Variants in NAA40 observed in about 807,000 individuals in gnomAD.
The protein encoded by NAA40 is N-alpha-acetyltransferase 40.
In NAA40, 26 loss-of-function variants were observed where a neutral mutation model predicts 36.6. The observed-to-expected ratio is 0.71, with a 90% CI of 0.52 to 0.98. The LOEUF (loss-of-function observed/expected upper bound fraction) is 0.98. Ranked by LOEUF, NAA40 falls within the 50% of genes least tolerant of loss-of-function variation. The probability of loss-of-function intolerance (pLI) is 0.00; values close to 1 mark genes in which losing one functional copy is unlikely to be tolerated. For synonymous variants in NAA40, 129 were observed against 108.4 expected (o/e 1.19, Z -1.18); for missense variants, 237 against 306.5 (o/e 0.77, Z 1.69).
intron 3 of NAA40, among the ~76,000 whole-genome samples, chr11:63,949,343 C>T (rs924569013): frequency 6.6e-6 from 1 of 151,942 alleles, no homozygotes; most frequent in African/African-American, 2.4e-5. Flanking sequence ...ATTTTAGATT[C>T]GCGGGGTACA....
chr11:63,939,371 T>C (rs4980510), intron 1 of NAA40: 1,213,519 of 1,218,838 alleles, frequency 1, 604,283 homozygotes, highest in East Asian at 1. Flanking sequence ...GACCCGTTAC[T>C]GGCCTCCCCA....
In NAA40 at chr11:63,954,567, C is replaced by T; in HGVS notation, c.*88C>T. ...CACTGTTCACCGGGTGTCCTCAGAG[C>T]TGTGGCCTCCCCAGCCCTGCACGTG... is the stretch of plus-strand genomic sequence containing the variant. On this transcript the variant is annotated 3_prime_UTR_variant, in exon 8 of 8. Transcript: ENST00000377793. 6.9e-7 allele frequency: 1 copy of T among 1,443,946 alleles called. No homozygotes were observed. The highest frequency in any genetic ancestry group is 9.2e-7 in the Non-Finnish European group (1 of 1,085,656). The allele number at this position is 1,443,946 out of a possible 1,614,324, so 89.4% of individuals were successfully genotyped here. A position where few individuals can be genotyped will look rare whatever the true frequency, so the allele number is the denominator to read the frequency against.
intron 3 of NAA40, among the ~76,000 whole-genome samples, chr11:63,949,869 C>T (rs1399532021): frequency 1.3e-5 from 2 of 150,888 alleles, no homozygotes; most frequent in Admixed American, 6.6e-5. Flanking sequence ...CTCAGCCTCC[C>T]GAGTAGCTGG....
intron 1 of NAA40, among the ~76,000 whole-genome samples, chr11:63,945,509 C>T (rs116001589): frequency 0.011 from 1,654 of 152,136 alleles, 35 homozygotes; most frequent in African/African-American, 0.038. Flanking sequence ...TAGGAGGGAG[C>T]GGGTGAGTGA....
intron 1 of NAA40, 105 bp downstream of exon 1, chr11:63,939,207 G>GCCTCACGTGACCCCTGAC (rs1942066110): frequency 7.7e-7 from 1 of 1,304,902 alleles, no homozygotes; most frequent in African/African-American, 2.2e-5. Context: ...ACCCCCTCCA[G>GCCTCACGTGACCCCTGAC]CCTCACGTGA....
At chr11:63,942,341 G>T (rs1942121630) in intron 1 of NAA40, among the ~76,000 whole-genome samples, 3 of 152,228 alleles carry the variant, frequency 2.0e-5, no homozygotes, top group Admixed American at 2.0e-4. Flanking sequence ...ACCGGCAGAA[G>T]ATCTGAGGGA....
chr11:63,945,942 C>T lies in NAA40; in HGVS notation c.102+7C>T, dbSNP rs1220622572. ...AGTGGACGCTGCCAACAGGGTGATT[C>T]TCCCTTTCTTCCCAGTCCCTGCCTC... On this transcript the variant is annotated splice_region_variant and intron_variant, in intron 2 of 7. Transcript: ENST00000377793. The T allele has an allele frequency of 6.2e-7, 1 of 1,613,008 alleles. No individual in the cohort carries two copies. Among genetic ancestry groups the T allele is most frequent in the East Asian group, 2.2e-5 (1 of 44,884 alleles).
At chr11:63,946,463 C>T (rs1942188500) in intron 2 of NAA40, 1 of 1,027,166 alleles carries the variant, frequency 9.7e-7, no homozygotes, top group South Asian at 2.7e-5. Flanking sequence ...CCTTGGCCTC[C>T]CAAAGTGCTG....
At chr11:63,953,824 C>T in intron 6 of NAA40, 148 bp from the exon 7 acceptor site, 2 of 685,828 alleles carry the variant, frequency 2.9e-6, no homozygotes, top group Non-Finnish European at 5.1e-6. Context: ...GAAATGGGGT[C>T]CCACTATGTT....
chr11:63,939,497 G>C (rs1014871954), intron 1 of NAA40: 3 of 1,016,846 alleles, frequency 3.0e-6, no homozygotes, highest in Non-Finnish European at 3.5e-6. Flanking sequence ...TGGCTTGGAG[G>C]GAATTGAGGC....
chr11:63,952,394 C>T lies in NAA40; in HGVS notation c.252-13C>T, dbSNP rs752997256. 6.2e-7 allele frequency: 1 copy of T among 1,613,382 alleles called. No homozygotes were observed. The highest frequency in any genetic ancestry group is 2.2e-5 in the East Asian group (1 of 44,876). ...TCGCAGCTTTCCCGTCTGACTGCTC[C>T]CAAATTCCCCAGGTATGAGCAGAGC... On this transcript the variant is annotated splice_polypyrimidine_tract_variant and intron_variant, in intron 4 of 7. Coordinates refer to ENST00000377793, the MANE Select transcript of NAA40 (RefSeq NM_024771.4).
At chr11:63,952,641 GCCCCT>G in intron 5 of NAA40, 76 bp downstream of exon 5, 1 of 1,602,806 alleles carries the variant, frequency 6.2e-7, no homozygotes, top group South Asian at 1.1e-5. Flanking sequence ...AGGTGACAAA[GCCCCT>G]GGACCTACCT....
rs1278673521 is a variant in NAA40 at position 63,957,212 on chromosome 11, A to ATATTT, written c.*2734_*2735insATTTT. The stretch of plus-strand genomic sequence containing the variant: ...CCTTGATATATATATATATATATAT[A>ATATTT]TTTTTTTTTTTCTTTAGCAGCTTGT... On this transcript the variant is annotated 3_prime_UTR_variant, in exon 8 of 8. Transcript: ENST00000377793. The ATATTT allele has an allele frequency of 3.1e-5, 2 of 64,316 alleles. No individual in the cohort carries two copies. Among genetic ancestry groups the ATATTT allele is most frequent in the African/African-American group, 8.3e-5 (2 of 23,978 alleles). The allele number at this position is 64,316 out of a possible 1,614,324, so 4.0% of individuals were successfully genotyped here.
chr11:63,941,125 T>C (rs762206581), intron 1 of NAA40, among the ~76,000 whole-genome samples: 2 of 152,238 alleles, frequency 1.3e-5, no homozygotes, highest in East Asian at 1.9e-4. Flanking sequence ...CTCAATCTTA[T>C]ACTTTACAGA....
intron 3 of NAA40, among the ~76,000 whole-genome samples, chr11:63,949,153 T>C (rs934014362): frequency 3.3e-5 from 5 of 152,122 alleles, no homozygotes; most frequent in Non-Finnish European, 7.4e-5. Context: ...AGCATTGCAC[T>C]CTAGCCTGGG....
intron 3 of NAA40, among the ~76,000 whole-genome samples, chr11:63,949,568 T>C (rs1000363486): frequency 6.6e-6 from 1 of 152,074 alleles, no homozygotes; most frequent in African/African-American, 2.4e-5. Flanking sequence ...CCTGAGATGC[T>C]GTTGATGAGT....
chr11:63,939,111 G>A lies in NAA40; in HGVS notation c.6+9G>A, dbSNP rs745731291. Reference sequence around the variant, plus strand: ...TCGCCGCCGCTATGGGGGTGAGTGAGGCAGAGAGAGGAGATGGGAGGTCCA... The same window carrying A: ...TCGCCGCCGCTATGGGGGTGAGTGAAGCAGAGAGAGGAGATGGGAGGTCCA... On this transcript the variant is annotated intron_variant, in intron 1 of 7. Transcript: ENST00000377793. The A allele has an allele frequency of 2.8e-5, 45 of 1,604,736 alleles. 1 individual carries two copies. The South Asian group carries it at 4.8e-4, about 17-fold the overall frequency.
At chr11:63,942,035 G>A (rs1277791798) in intron 1 of NAA40, among the ~76,000 whole-genome samples, 1 of 152,210 alleles carries the variant, frequency 6.6e-6, no homozygotes, top group Admixed American at 6.5e-5. Context: ...GAAGGAGCAT[G>A]ACTTTAGGGT....
Position 63,954,646 on chromosome 11 carries a change from C to T in NAA40, c.*167C>T, listed in dbSNP as rs147453250. 3 of 628,164 alleles carry T rather than the reference C, an allele frequency of 4.8e-6. No individual in the cohort carries two copies. The highest frequency in any genetic ancestry group is 3.2e-5 in the South Asian group (1 of 31,024). The allele number at this position is 628,164 out of a possible 1,614,324, so 38.9% of individuals were successfully genotyped here. Reference sequence around the variant, plus strand: ...CTGGGGAGAAGTGGTATCAGCTGCTCCTCCTCTCCTAGGAGACCAGAGTGC... The same window carrying T: ...CTGGGGAGAAGTGGTATCAGCTGCTTCTCCTCTCCTAGGAGACCAGAGTGC... On this transcript the variant is annotated 3_prime_UTR_variant, in exon 8 of 8. Transcript: ENST00000377793.
Sources: gnomAD v4.1 joint callset for allele counts (sites outside exome capture counted in the v4.1 genomes callset) on GRCh38, gnomAD v4.1.1 for gene constraint, MANE v1.5 for transcripts, NCBI Gene and HGNC (gene_info 2026-07-23, HGNC 2026-07-21) for gene names.